Variants in THSD4 observed in about 807,000 individuals in gnomAD.
The protein encoded by THSD4 is thrombospondin type 1 domain containing 4, also known as thrombospondin type-1 domain-containing protein 4.
In THSD4, 69 loss-of-function variants were observed where a neutral mutation model predicts 119.0. The ratio of observed to expected loss-of-function variants is 0.58; its 90% CI spans 0.48 to 0.71. THSD4 has a LOEUF of 0.71. Among genes scored for constraint, THSD4 ranks in the 30% least tolerant of loss-of-function variants. THSD4 has a pLI of 0.00. For missense variants in THSD4, 1,393 were observed against 1,391.1 expected, an observed-to-expected ratio of 1.00 and a Z score of -0.02; for synonymous variants, 524 against 540.4, an observed-to-expected ratio of 0.97 and a Z score of 0.42.
chr15:71,188,517 C>A (rs983329131), intron 3 of THSD4, among the ~76,000 whole-genome samples: 1 of 152,094 alleles, frequency 6.6e-6, no homozygotes, highest in Non-Finnish European at 1.5e-5. Flanking sequence ...CAGGAGGATT[C>A]AACTGGTCCT....
chr15:71,734,327 G>A (rs764726141), intron 10 of THSD4, among the ~76,000 whole-genome samples: 16 of 152,246 alleles, frequency 1.1e-4, no homozygotes, highest in South Asian at 2.1e-4. Flanking sequence ...AGAAATAAAT[G>A]AGCCATCACG....
intron 8 of THSD4, among the ~76,000 whole-genome samples, chr15:71,673,262 T>C (rs2051570200): frequency 6.6e-6 from 1 of 152,240 alleles, no homozygotes; most frequent in African/African-American, 2.4e-5. Context: ...CTAGATTTTC[T>C]AGTTTATTTG....
At position 71,748,539 on chromosome 15, in the gene THSD4, A is replaced by G. The variant is rs778901202; in HGVS notation, c.2360A>G (p.Asn787Ser). Residue 787 changes from asparagine to serine, a missense_variant, in exon 14 of 18, where the codon AAC becomes AGC. Physicochemically the swap from Asn to Ser is conservative, Grantham distance 46. Transcript: ENST00000261862. ...NMKLRPNDIE[N>S]CDMGPCAKSW... ...AAGCTCCGGCCGAATGACATTGAGA[A>G]CTGCGACATGGGACCCTGTGCCAAG... 5.0e-6 allele frequency: 8 copies of G among 1,614,162 alleles called. No homozygotes were observed. Among genetic ancestry groups the G allele is most frequent in the Non-Finnish European group, 6.8e-6 (8 of 1,180,042 alleles).
At chr15:71,430,788 G>GT (rs1249297942) in intron 7 of THSD4, among the ~76,000 whole-genome samples, 2 of 96,060 alleles carry the variant, frequency 2.1e-5, no homozygotes, top group African/African-American at 3.8e-5. Flanking sequence ...AAAAAAGAGA[G>GT]TTACATTCTT....
chr15:71,562,251 G>C (rs1054382474), intron 7 of THSD4, among the ~76,000 whole-genome samples: 4 of 152,150 alleles, frequency 2.6e-5, no homozygotes, highest in Admixed American at 6.5e-5. Flanking sequence ...GTTTAAACCA[G>C]GTACATTAAA....
upstream of THSD4, chr15:71,111,030 G>T: frequency 8.6e-7 from 1 of 1,156,846 alleles, no homozygotes; most frequent in Non-Finnish European, 1.2e-6. Context: ...AGGAGAAGCA[G>T]CCTCGGATCC....
At chr15:71,109,433 A>G (rs548096530) in intron 1 of THSD4, among the ~76,000 whole-genome samples, 4 of 152,378 alleles carry the variant, frequency 2.6e-5, no homozygotes, top group African/African-American at 9.6e-5. Context: ...AACGAGCCAC[A>G]TAATTTCCCT....
At position 71,105,198 on chromosome 15, in the gene THSD4, G is replaced by A. The variant is rs2040269539; in HGVS notation, c.-80+8192G>A. 2.0e-5 allele frequency among the ~76,000 whole-genome samples: 3 copies of A among 152,162 alleles called. No individual in the cohort carries two copies. In the South Asian group the frequency reaches 6.2e-4, roughly 32 times the overall value. ...ACTTCAGATGTCAATCACCAGGCCA[G>A]GTCTCTAGTACTTTTGACCAACCAG... is the stretch of plus-strand genomic sequence containing the variant. On this transcript the variant is annotated intron_variant, in intron 1 of 17. Coordinates refer to the THSD4 transcript ENST00000355327.
intron 6 of THSD4, among the ~76,000 whole-genome samples, chr15:71,281,986 A>G (rs1332798080): frequency 6.6e-6 from 1 of 152,212 alleles, no homozygotes; most frequent in Non-Finnish European, 1.5e-5. Flanking sequence ...CAGATTCCCC[A>G]TTAGGGAAAG....
chr15:71,454,460 G>A (rs1405378322), intron 7 of THSD4, among the ~76,000 whole-genome samples: 1 of 152,224 alleles, frequency 6.6e-6, no homozygotes, highest in African/African-American at 2.4e-5. Context: ...AAAGAAAGAG[G>A]TGGCCTGGCC....
chr15:71,371,808 G>T (rs1317989545), intron 6 of THSD4, among the ~76,000 whole-genome samples: 2 of 152,096 alleles, frequency 1.3e-5, no homozygotes, highest in Non-Finnish European at 2.9e-5. Flanking sequence ...TGTATTTCCT[G>T]AATTTGAATG....
intron 11 of THSD4, among the ~76,000 whole-genome samples, chr15:71,742,687 A>G (rs1049953726): frequency 1.3e-5 from 2 of 152,206 alleles, no homozygotes; most frequent in Non-Finnish European, 2.9e-5. Context: ...GGAGGTGGCC[A>G]GGTGCTGTCT....
At chr15:71,480,744 A>G (rs16955717) in intron 7 of THSD4, among the ~76,000 whole-genome samples, 27,432 of 152,208 alleles carry the variant, frequency 0.18, 2,968 homozygotes, top group East Asian at 0.29. Flanking sequence ...CTTAGTCACA[A>G]ATATTCCATT....
intron 7 of THSD4, among the ~76,000 whole-genome samples, chr15:71,611,760 G>C (rs957370807): frequency 6.6e-6 from 1 of 152,228 alleles, no homozygotes; most frequent in African/African-American, 2.4e-5. Flanking sequence ...AAGCGAATGA[G>C]GACAAATAAG....
At chr15:71,520,403 A>C (rs2048422923) in intron 7 of THSD4, among the ~76,000 whole-genome samples, 1 of 152,138 alleles carries the variant, frequency 6.6e-6, no homozygotes, top group African/African-American at 2.4e-5. Context: ...CCTAGGAGTG[A>C]CTGCTCTTTC....
intron 3 of THSD4, among the ~76,000 whole-genome samples, chr15:71,199,818 CACG>C (rs1567154969): frequency 0.042 from 989 of 23,378 alleles, 7 homozygotes; most frequent in African/African-American, 0.11. Flanking sequence ...GTGTGTGATG[CACG>C]TGTGGGGTGT....
chr15:71,535,563 C>T (rs970741622), intron 7 of THSD4, among the ~76,000 whole-genome samples: 16 of 152,114 alleles, frequency 1.1e-4, no homozygotes, highest in Non-Finnish European at 8.8e-5. Context: ...CCAAGGCAGC[C>T]GCACCATTTT....
In THSD4 at chr15:71,781,631, C is replaced by G. The variant is rs1185873584; in HGVS notation, c.*4257C>G. On this transcript the variant is annotated 3_prime_UTR_variant, in exon 18 of 18. Coordinates refer to ENST00000261862, the MANE Select transcript of THSD4 (RefSeq NM_024817.3). ...GGCACAAGGAGAGCTCTCCTAGGAC[C>G]AGGACCAAGAAGCTACAGGCAGGCA... is the stretch of plus-strand genomic sequence containing the variant. 6.6e-6 allele frequency: 1 copy of G among 152,400 alleles called. No individual in the cohort carries two copies. Among genetic ancestry groups the G allele is most frequent in the Admixed American group, 6.5e-5 (1 of 15,290 alleles). 9.4% of individuals were successfully genotyped at this position (152,400 alleles called of 1,614,324 possible).
At chr15:71,124,885 A>G (rs1176637400) in intron 1 of THSD4, among the ~76,000 whole-genome samples, 3 of 152,050 alleles carry the variant, frequency 2.0e-5, no homozygotes, top group East Asian at 1.9e-4. Context: ...TCTACAAAAC[A>G]TCAAACTATT....
Sources: gnomAD v4.1 joint callset for allele counts (sites outside exome capture counted in the v4.1 genomes callset) on GRCh38, gnomAD v4.1.1 for gene constraint, MANE v1.5 for transcripts, NCBI Gene and HGNC (gene_info 2026-07-23, HGNC 2026-07-21) for gene names.